The following TCF4 variants were observed in gnomAD, a reference collection of about 807,000 sequenced individuals.
TCF4 encodes transcription factor 4.
Under a neutral mutation model 82.1 loss-of-function variants are expected in TCF4, and 3 were observed. That is an observed-to-expected ratio of 0.04 (90% CI 0.02 to 0.09). The LOEUF (loss-of-function observed/expected upper bound fraction) is 0.09, where lower values mean the gene tolerates loss of function less well. Ranked by LOEUF, TCF4 falls within the 10% of genes least tolerant of loss-of-function variation. The pLI, the probability that TCF4 is intolerant of heterozygous loss-of-function variation, is 1.00. For synonymous variants in TCF4, 276 were observed against 309.6 expected (o/e 0.89, Z 1.14); for missense variants, 518 against 852.7 (o/e 0.61, Z 4.89).
intron 8 of TCF4, among the ~76,000 whole-genome samples, chr18:55,334,620 AAAT>A (rs1469604703): frequency 1.3e-5 from 2 of 152,212 alleles, no homozygotes; most frequent in Admixed American, 6.5e-5. Flanking sequence ...ATATGCTTCA[AAAT>A]AATAATTCAA....
chr18:55,249,040 C>T (rs2054209993), intron 15 of TCF4, among the ~76,000 whole-genome samples: 2 of 152,268 alleles, frequency 1.3e-5, no homozygotes, highest in Admixed American at 1.3e-4. Context: ...CCACCGTGTC[C>T]AGCCTCTTTT....
At chr18:55,260,376 A>G (rs2057789612) in intron 12 of TCF4, among the ~76,000 whole-genome samples, 2 of 152,200 alleles carry the variant, frequency 1.3e-5, no homozygotes, top group South Asian at 4.1e-4. Flanking sequence ...GAACAGGATC[A>G]TTCCTAAGAT....
At chr18:55,565,345 A>T (rs1312365667) in intron 3 of TCF4, among the ~76,000 whole-genome samples, 1 of 152,194 alleles carries the variant, frequency 6.6e-6, no homozygotes, top group Non-Finnish European at 1.5e-5. Flanking sequence ...AATGCAAGAA[A>T]TAAGGAAATC....
chr18:55,361,099 C>G (rs1196195548), intron 6 of TCF4, among the ~76,000 whole-genome samples: 1 of 152,122 alleles, frequency 6.6e-6, no homozygotes, highest in Non-Finnish European at 1.5e-5. Context: ...ATAGAAATGT[C>G]ATGAGATTTA....
chr18:55,491,294 T>A (rs922150947), intron 3 of TCF4, among the ~76,000 whole-genome samples: 3 of 152,036 alleles, frequency 2.0e-5, no homozygotes, highest in African/African-American at 7.2e-5. Flanking sequence ...GTGGTTCCAT[T>A]CACAATGAAT....
intron 6 of TCF4, chr18:55,402,019 T>C: frequency 1.0e-6 from 1 of 984,868 alleles, no homozygotes; most frequent in Non-Finnish European, 1.2e-6. Context: ...CAGAGGCTTG[T>C]CGCCCAGGCT....
intron 6 of TCF4, among the ~76,000 whole-genome samples, chr18:55,354,942 C>T (rs1049071647): frequency 6.6e-6 from 1 of 152,168 alleles, no homozygotes; most frequent in East Asian, 1.9e-4. Flanking sequence ...GTATCAGACA[C>T]AACATCTTGG....
intron 5 of TCF4, among the ~76,000 whole-genome samples, chr18:55,412,237 G>T (rs1367582699): frequency 6.6e-6 from 1 of 152,014 alleles, no homozygotes; most frequent in Non-Finnish European, 1.5e-5. Flanking sequence ...AAAAGACAAG[G>T]ACTTGTTGAT....
intron 8 of TCF4, among the ~76,000 whole-genome samples, chr18:55,291,087 C>T (rs1390185092): frequency 1.3e-5 from 2 of 152,058 alleles, no homozygotes; most frequent in Non-Finnish European, 2.9e-5. Context: ...ACCATGCTAC[C>T]CATCTTATAC....
At chr18:55,559,777 C>T (rs575331020) in intron 3 of TCF4, among the ~76,000 whole-genome samples, 12 of 151,906 alleles carry the variant, frequency 7.9e-5, no homozygotes, top group African/African-American at 1.7e-4. Context: ...TTTTCCATTC[C>T]GTAAATGTAA....
Position 55,633,133 on chromosome 18 carries a change from G to A in TCF4, c.196-1745C>T, listed in dbSNP as rs762481287. On this transcript the variant is annotated intron_variant, in intron 1 of 20. Transcript: ENST00000398339. This position sits in a 1 kb window ranked among gnomAD's most constrained non-coding sequence, Gnocchi z 4.0. ...TATCCTCACAGTTTCTATGGGTTGGGTATTTGGAATGTGGCTTAGCCAGAT... is the reference window on the plus strand; with the variant it reads ...TATCCTCACAGTTTCTATGGGTTGGATATTTGGAATGTGGCTTAGCCAGAT... 6.6e-6 allele frequency among the ~76,000 whole-genome samples: 1 copy of A among 152,216 alleles called. No homozygotes were observed. The highest frequency in any genetic ancestry group is 2.4e-5 in the African/African-American group (1 of 41,456).
intron 6 of TCF4, among the ~76,000 whole-genome samples, chr18:55,372,725 A>G (rs2089637030): frequency 6.6e-6 from 1 of 152,194 alleles, no homozygotes; most frequent in African/African-American, 2.4e-5. Flanking sequence ...AGTAGACTCT[A>G]TGTGACTGTT....
At chr18:55,282,715 C>T (rs1243410624) in intron 8 of TCF4, among the ~76,000 whole-genome samples, 1 of 152,020 alleles carries the variant, frequency 6.6e-6, no homozygotes, top group African/African-American at 2.4e-5. Flanking sequence ...TAATGACTAA[C>T]ACCAGAAAAT....
At chr18:55,420,483 C>G (rs750767921) in intron 5 of TCF4, among the ~76,000 whole-genome samples, 16 of 152,166 alleles carry the variant, frequency 1.1e-4, no homozygotes, top group Non-Finnish European at 2.1e-4. Context: ...ACGAATCACC[C>G]TGAAGTTTTT....
At chr18:55,358,849 C>T (rs1212784683) in intron 6 of TCF4, among the ~76,000 whole-genome samples, 1 of 152,148 alleles carries the variant, frequency 6.6e-6, no homozygotes, top group Non-Finnish European at 1.5e-5. Context: ...GTGGGCAAAA[C>T]TCCTTGCCTG....
chr18:55,634,393 T>C (rs2097734300), intron 1 of TCF4, among the ~76,000 whole-genome samples: 2 of 152,258 alleles, frequency 1.3e-5, no homozygotes, highest in Non-Finnish European at 2.9e-5. Context: ...TTTACATATT[T>C]GTTTCTGTTT....
intron 1 of TCF4, among the ~76,000 whole-genome samples, chr18:55,634,289 AC>A (rs2097734169): frequency 6.6e-6 from 1 of 151,896 alleles, no homozygotes; most frequent in Admixed American, 6.5e-5. Flanking sequence ...AAAAACAAAA[AC>A]AAAAAAAAAA....
intron 2 of TCF4, among the ~76,000 whole-genome samples, chr18:55,605,142 A>G (rs1040894148): frequency 1.3e-5 from 2 of 152,194 alleles, no homozygotes; most frequent in Admixed American, 1.3e-4. Context: ...CCCTGGCACC[A>G]TAACATGGTC....
chr18:55,480,296 A>AAAAGT (rs1568175293), intron 3 of TCF4, among the ~76,000 whole-genome samples: 1 of 63,356 alleles, frequency 1.6e-5, no homozygotes, highest in Admixed American at 2.1e-4. Flanking sequence ...AAAAAAAAAA[A>AAAAGT]GCGGGGGGGC....
Sources: allele counts gnomAD v4.1 joint callset (sites outside exome capture counted in the v4.1 genomes callset), GRCh38; gene constraint gnomAD v4.1.1; non-coding constraint Gnocchi (gnomAD v3.1); transcripts MANE v1.5; gene names NCBI Gene and HGNC (gene_info 2026-07-23, HGNC 2026-07-21).